PDSS2: variants seen among roughly 807,000 people sequenced by gnomAD.
PDSS2 encodes all trans-polyprenyl-diphosphate synthase PDSS2.
A neutral mutation model predicts 44.5 loss-of-function variants in PDSS2; 31 were observed. The observed-to-expected ratio is 0.70, with a 90% CI of 0.52 to 0.94. The LOEUF is 0.94. PDSS2 is among the 40% of genes least tolerant of loss of function. The pLI, the probability that PDSS2 is intolerant of heterozygous loss-of-function variation, is 0.00. For missense variants in PDSS2, 452 were observed against 482.2 expected (o/e 0.94, Z 0.59); for synonymous variants, 157 against 180.3 (o/e 0.87, Z 1.03).
intron 6 of PDSS2, among the ~76,000 whole-genome samples, chr6:107,199,476 T>G (rs116119488): frequency 0.027 from 4,157 of 152,260 alleles, 202 homozygotes; most frequent in African/African-American, 0.094. Context: ...AATTTTTAAT[T>G]TTTTATAGAG....
At chr6:107,440,401 A>G (rs1179255353) in intron 1 of PDSS2, among the ~76,000 whole-genome samples, 1 of 152,208 alleles carries the variant, frequency 6.6e-6, no homozygotes, top group African/African-American at 2.4e-5. Flanking sequence ...TACTCTTTGC[A>G]TCTTTCAGAA....
intron 2 of PDSS2, among the ~76,000 whole-genome samples, chr6:107,301,729 T>C (rs1409187075): frequency 6.6e-6 from 1 of 152,036 alleles, no homozygotes; most frequent in Admixed American, 6.6e-5. Flanking sequence ...TTTTTGAGGC[T>C]GAGGCAGGCA....
intron 3 of PDSS2, among the ~76,000 whole-genome samples, chr6:107,263,695 A>G (rs1323081439): frequency 6.6e-6 from 1 of 152,206 alleles, no homozygotes; most frequent in African/African-American, 2.4e-5. Flanking sequence ...ATTTGCACAC[A>G]CTAATCATTT....
At chr6:107,407,323 T>C (rs184050373) in intron 1 of PDSS2, among the ~76,000 whole-genome samples, 1 of 152,330 alleles carries the variant, frequency 6.6e-6, no homozygotes, top group East Asian at 1.9e-4. Flanking sequence ...ACTGTTTCTA[T>C]TTGTGATCAT....
At chr6:107,385,996 T>A (rs1249218402) in intron 1 of PDSS2, among the ~76,000 whole-genome samples, 1 of 152,148 alleles carries the variant, frequency 6.6e-6, no homozygotes, top group African/African-American at 2.4e-5. Context: ...AATTTCTGCC[T>A]TAGAACTTCA....
Position 107,320,537 on chromosome 6 carries a change from TGC to T in PDSS2, c.431+13659_431+13660del, listed in dbSNP as rs1777348472. 2.0e-5 allele frequency among the ~76,000 whole-genome samples: 3 copies of T among 152,300 alleles called. No individual in the cohort carries two copies. The East Asian group carries it at 5.8e-4, about 29-fold the overall frequency. ...GGGAAAGCCCATTAGACAGAATATCTGCTTAGGGCACAAGTCTATTTTAAAAA... is the reference window on the plus strand; with the variant it reads ...GGGAAAGCCCATTAGACAGAATATCTTTAGGGCACAAGTCTATTTTAAAAA... On this transcript the variant is annotated intron_variant, in intron 2 of 7. Coordinates refer to ENST00000369037, the MANE Select transcript of PDSS2 (RefSeq NM_020381.4).
intron 1 of PDSS2, among the ~76,000 whole-genome samples, chr6:107,366,883 C>T (rs1337350680): frequency 6.6e-6 from 1 of 151,948 alleles, no homozygotes; most frequent in Non-Finnish European, 1.5e-5. Context: ...AGGAAAGGCC[C>T]AGGCGCAGAT....
At chr6:107,191,331 G>A (rs1204210102) in intron 7 of PDSS2, among the ~76,000 whole-genome samples, 9 of 152,222 alleles carry the variant, frequency 5.9e-5, no homozygotes, top group African/African-American at 2.2e-4. Flanking sequence ...TTCAGATGAA[G>A]AGACTATGAG....
At position 107,399,613 on chromosome 6, in the gene PDSS2, T is replaced by C. The variant is rs553009882; in HGVS notation, c.296+59377A>G. Among the ~76,000 whole-genome samples, 7 of 152,330 alleles carry C rather than the reference T, an allele frequency of 4.6e-5. No homozygotes were observed. The East Asian group carries it at 1.3e-3, about 29-fold the overall frequency. On this transcript the variant is annotated intron_variant, in intron 1 of 7. Transcript: ENST00000369037. The stretch of plus-strand genomic sequence containing the variant: ...CATATAAAAAAGAGAAAAATAGTAA[T>C]GTGCTATTCATTTTTAAAAACCTGT...
intron 2 of PDSS2, among the ~76,000 whole-genome samples, chr6:107,331,997 T>C (rs1027231315): frequency 6.6e-6 from 1 of 152,164 alleles, no homozygotes; most frequent in Admixed American, 6.5e-5. Flanking sequence ...GTCCATTTGC[T>C]TTCCAGGGAC....
chr6:107,364,606 G>C (rs994281388), intron 1 of PDSS2, among the ~76,000 whole-genome samples: 5 of 152,182 alleles, frequency 3.3e-5, no homozygotes, highest in African/African-American at 4.8e-5. Context: ...ACGCAGTCCC[G>C]GTTCCCGCTG....
chr6:107,395,448 GCT>G, intron 1 of PDSS2, among the ~76,000 whole-genome samples: 1 of 152,156 alleles, frequency 6.6e-6, no homozygotes, highest in South Asian at 2.1e-4. Flanking sequence ...CATTAATGAA[GCT>G]CTATACATTT....
chr6:107,363,839 T>C (rs976999116), intron 1 of PDSS2, among the ~76,000 whole-genome samples: 4 of 152,130 alleles, frequency 2.6e-5, no homozygotes, highest in African/African-American at 7.2e-5. Context: ...TTAGTTAAGA[T>C]ACAGAGTTTT....
At chr6:107,404,896 C>G (rs1042506370) in intron 1 of PDSS2, among the ~76,000 whole-genome samples, 1 of 152,176 alleles carries the variant, frequency 6.6e-6, no homozygotes, top group Non-Finnish European at 1.5e-5. Flanking sequence ...CCTATTCTAA[C>G]AAGAGATTTA....
At chr6:107,177,073 ATTCTTTTTTT>A (rs979005773) in intron 7 of PDSS2, among the ~76,000 whole-genome samples, 1 of 150,928 alleles carries the variant, frequency 6.6e-6, no homozygotes, top group Non-Finnish European at 1.5e-5. Context: ...GGACGAAGTA[ATTCTTTTTTT>A]TTTTTCTATT....
chr6:107,212,859 CT>C (rs1157758718), intron 4 of PDSS2, among the ~76,000 whole-genome samples: 1 of 148,166 alleles, frequency 6.7e-6, no homozygotes, highest in East Asian at 2.0e-4. Context: ...AAAAAAATAG[CT>C]AGGCAAGGGG....
At chr6:107,458,245 G>A (rs952483442) in intron 1 of PDSS2, among the ~76,000 whole-genome samples, 2 of 150,990 alleles carry the variant, frequency 1.3e-5, no homozygotes, top group African/African-American at 2.4e-5. Context: ...CAGCACTTTG[G>A]GAGGCCGAGG....
At chr6:107,210,337 C>T in intron 6 of PDSS2, 102 bp downstream of exon 6, 2 of 873,690 alleles carry the variant, frequency 2.3e-6, no homozygotes, top group Non-Finnish European at 3.8e-6. Flanking sequence ...CGTGAATATG[C>T]CTAAGGCTCA....
intron 3 of PDSS2, among the ~76,000 whole-genome samples, chr6:107,271,540 A>G (rs1419892898): frequency 6.6e-6 from 1 of 152,176 alleles, no homozygotes; most frequent in African/African-American, 2.4e-5. Context: ...CTTGCAGGCC[A>G]TGCATGGGCT....
Sources: gnomAD v4.1 joint callset for allele counts (sites outside exome capture counted in the v4.1 genomes callset) on GRCh38, gnomAD v4.1.1 for gene constraint, MANE v1.5 for transcripts, NCBI Gene and HGNC (gene_info 2026-07-23, HGNC 2026-07-21) for gene names.